Variants in CEACAM8 observed in about 807,000 individuals in gnomAD.
The protein encoded by CEACAM8 is CEA cell adhesion molecule 8.
CEACAM8 carries 31 observed loss-of-function variants against 33.4 expected under a neutral mutation model. The observed-to-expected ratio is 0.93, with a 90% CI of 0.70 to 1.25. The LOEUF is 1.25. Among genes scored for constraint, CEACAM8 ranks in the 50% most tolerant of loss-of-function variants. The probability of loss-of-function intolerance (pLI) is 0.00; values close to 1 mark genes in which losing one functional copy is unlikely to be tolerated. For missense variants in CEACAM8, 388 were observed against 434.6 expected, an observed-to-expected ratio of 0.89 and a Z score of 0.95; for synonymous variants, 138 against 164.5, an observed-to-expected ratio of 0.84 and a Z score of 1.23.
At chr19:42,591,322 A>T (rs1327211744) in intron 2 of CEACAM8, among the ~76,000 whole-genome samples, 1 of 152,212 alleles carries the variant, frequency 6.6e-6, no homozygotes, top group Non-Finnish European at 1.5e-5. Context: ...CATTATGCTC[A>T]AAGGAAGATC....
chr19:42,593,760 T>G lies in CEACAM8; in HGVS notation c.205A>C (p.Lys69Gln), dbSNP rs576468949. 1 of 1,614,088 alleles carries G rather than the reference T, an allele frequency of 6.2e-7. No individual in the cohort carries two copies. Among genetic ancestry groups the G allele is most frequent in the Non-Finnish European group, 8.5e-7 (1 of 1,180,004 alleles). Residue 69 changes from lysine (K) to glutamine (Q), a missense_variant, in exon 2 of 6, where the codon AAA becomes CAA. By Grantham distance (53) the Lys-to-Gln change is moderately conservative. Coordinates refer to ENST00000244336, the MANE Select transcript of CEACAM8 (RefSeq NM_001816.4). Reference protein sequence around the residue: ...PQDPRGYNWYKGETVDANRRI... With the variant: ...PQDPRGYNWYQGETVDANRRI... ...CGGTTGGCATCCACTGTTTCCCCTT[T>G]GTACCAGTTGTAGCCACGAGGGTCC...
At chr19:42,593,233 TAG>T (rs1182254120) in intron 2 of CEACAM8, among the ~76,000 whole-genome samples, 1 of 152,180 alleles carries the variant, frequency 6.6e-6, no homozygotes, top group Non-Finnish European at 1.5e-5. Context: ...CCCAGTTCTT[TAG>T]AGTTTTTCTC....
intron 2 of CEACAM8, 123 bp from the exon 3 acceptor site, chr19:42,589,858 G>A: frequency 6.5e-7 from 1 of 1,544,384 alleles, no homozygotes; most frequent in Non-Finnish European, 8.8e-7. Flanking sequence ...AGCCCACGGT[G>A]GGTGTGTGTG....
Position 42,589,613 on chromosome 19 carries a change from GAC to G in CEACAM8, c.545_546del (p.Gly182AlafsTer27). The G allele has an allele frequency of 6.2e-7, 1 of 1,614,208 alleles. No individual in the cohort carries two copies. Among genetic ancestry groups the G allele is most frequent in the Admixed American group, 1.7e-5 (1 of 60,028 alleles). ...QNTTYLWWVN[G>X]QSLPVSPRLQ... ...AGCCTGGGACTGACCGGGAGACTCT[GAC>G]CATTTACCCACCACAGGTAGGTTGT... On this transcript the variant is annotated frameshift_variant, in exon 3 of 6. Coordinates refer to ENST00000244336, the MANE Select transcript of CEACAM8 (RefSeq NM_001816.4). LOFTEE classifies it high-confidence loss of function.
Position 42,593,596 on chromosome 19 carries a change from T to C in CEACAM8, c.369A>G (p.Gln123=). The change falls in exon 2 of 6, where the codon CAA becomes CAG. Residue 123 remains glutamine, a synonymous_variant. Transcript: ENST00000244336. Reference sequence around the variant, plus strand: ...CACTCATAAGATTTAGCTTTATGACTTGTAGGGTGTAGGATCCTGTGTCAT... The same window carrying C: ...CACTCATAAGATTTAGCTTTATGACCTGTAGGGTGTAGGATCCTGTGTCAT... ...TRNDTGSYTL[Q]VIKLNLMSEE... The C allele has an allele frequency of 6.2e-7, 1 of 1,607,452 alleles. No individual in the cohort carries two copies.
At chr19:42,593,401 G>A in intron 2 of CEACAM8, 140 bp downstream of exon 2, 1 of 1,069,722 alleles carries the variant, frequency 9.3e-7, no homozygotes, top group African/African-American at 1.6e-5. Context: ...TCTCCCCTGA[G>A]TGTGTCCTGC....
intron 2 of CEACAM8, among the ~76,000 whole-genome samples, chr19:42,590,244 C>T (rs912978547): frequency 1.3e-4 from 20 of 152,148 alleles, no homozygotes; most frequent in African/African-American, 4.8e-4. Context: ...CAGGGGAGGC[C>T]GGGGCAAGCC....
At chr19:42,587,820 C>T (rs2042361940) in intron 4 of CEACAM8, among the ~76,000 whole-genome samples, 1 of 152,180 alleles carries the variant, frequency 6.6e-6, no homozygotes. Context: ...GCCTGATCAA[C>T]ATGGAGAAAC....
intron 4 of CEACAM8, among the ~76,000 whole-genome samples, chr19:42,586,210 A>G (rs2042334454): frequency 6.6e-6 from 1 of 152,202 alleles, no homozygotes; most frequent in African/African-American, 2.4e-5. Context: ...CAGAATTCCA[A>G]TGACATTTTT....
chr19:42,591,956 C>G (rs570431970), intron 2 of CEACAM8, among the ~76,000 whole-genome samples: 1 of 152,262 alleles, frequency 6.6e-6, no homozygotes, highest in African/African-American at 2.4e-5. Flanking sequence ...CATCAGGAAA[C>G]AGGATTTCAG....
At chr19:42,591,226 C>A (rs2042432987) in intron 2 of CEACAM8, among the ~76,000 whole-genome samples, 1 of 152,100 alleles carries the variant, frequency 6.6e-6, no homozygotes, top group Non-Finnish European at 1.5e-5. Flanking sequence ...ATTAATTGTC[C>A]ACAGATCTAA....
At chr19:42,589,177 C>G in intron 3 of CEACAM8, 139 bp from the exon 4 acceptor site, 4 of 1,091,286 alleles carry the variant, frequency 3.7e-6, no homozygotes, top group Non-Finnish European at 5.3e-6. Flanking sequence ...CAAACCCCCG[C>G]TGTTTCTACT....
Position 42,583,294 on chromosome 19 carries a change from G to A in CEACAM8, c.1002C>T (p.Ala334=). The A allele has an allele frequency of 1.2e-6, 2 of 1,613,514 alleles. No individual in the cohort carries two copies. The highest frequency in any genetic ancestry group is 1.7e-6 in the Non-Finnish European group (2 of 1,179,514). Residue 334 remains alanine (A), a synonymous_variant, in exon 5 of 6, where the codon GCC becomes GCT. Transcript: ENST00000244336. ...QGSSPGLSAR[A]TVSIMIGVLA... ...GTACTCCAATCATGATGCTGACAGT[G>A]GCTCTAGCTGAGAGGCCAGGAGAAC...
At chr19:42,590,047 G>A (rs2042408704) in intron 2 of CEACAM8, among the ~76,000 whole-genome samples, 1 of 152,200 alleles carries the variant, frequency 6.6e-6, no homozygotes, top group Non-Finnish European at 1.5e-5. Context: ...CCGGCTGCCT[G>A]CCTGGCCTAC....
chr19:42,588,232 C>A (rs770844388), intron 4 of CEACAM8, among the ~76,000 whole-genome samples: 4 of 152,160 alleles, frequency 2.6e-5, no homozygotes, highest in African/African-American at 7.2e-5. Context: ...ACCTGAGCAC[C>A]TTTTCCATAC....
rs8103051 is a variant in CEACAM8 at position 42,583,276 on chromosome 19, A to C, written c.1020T>G (p.Ile340Met). The part of the protein sequence containing the change: ...LSARATVSIM[I>M]GVLARVALI Reference sequence around the variant, plus strand: ...TCAGAGCCACCCTGGCCAGTACTCCAATCATGATGCTGACAGTGGCTCTAG... The same window carrying C: ...TCAGAGCCACCCTGGCCAGTACTCCCATCATGATGCTGACAGTGGCTCTAG... The change falls in exon 5 of 6, where the codon ATT becomes ATG. Residue 340 changes from isoleucine to methionine, a missense_variant. By Grantham distance (10) the Ile-to-Met change is conservative (BLOSUM62 1). Coordinates refer to ENST00000244336, the MANE Select transcript of CEACAM8 (RefSeq NM_001816.4). 0.012 allele frequency: 18,734 copies of C among 1,612,998 alleles called. 1,657 individuals are homozygous for C. The African/African-American group carries it at 0.2, about 18-fold the overall frequency.
At chr19:42,592,149 G>A (rs537960317) in intron 2 of CEACAM8, among the ~76,000 whole-genome samples, 122 of 152,270 alleles carry the variant, frequency 8.0e-4, no homozygotes, top group Non-Finnish European at 1.6e-3. Flanking sequence ...CATGGGGTCC[G>A]TGGAACGCAA....
In CEACAM8 at chr19:42,583,234, A is replaced by G. The variant is rs1305430086; in HGVS notation, c.*12T>C. The stretch of plus-strand genomic sequence containing the variant: ...CCAGTCTTCTTGAAATGCAGAAACT[A>G]CACCAGAGCTACTATATCAGAGCCA... On this transcript the variant is annotated 3_prime_UTR_variant, in exon 5 of 6. Transcript: ENST00000244336. 2 of 1,558,682 alleles carry G rather than the reference A, an allele frequency of 1.3e-6. No homozygotes were observed. The highest frequency in any genetic ancestry group is 1.8e-6 in the Non-Finnish European group (2 of 1,133,482).
Position 42,593,798 on chromosome 19 carries a change from T to C in CEACAM8, c.167A>G (p.His56Arg). The change falls in exon 2 of 6, where the codon CAC (histidine) becomes CGC (arginine). Residue 56 changes from histidine (H) to arginine (R), a missense_variant. By Grantham distance (29) the His-to-Arg change is conservative. Transcript: ENST00000244336. ...AEGKEVLLLVHNLPQDPRGYN... is the reference protein window; with the variant it reads ...AEGKEVLLLVRNLPQDPRGYN... The stretch of plus-strand genomic sequence containing the variant: ...GCCACGAGGGTCCTGGGGCAGATTG[T>C]GGACAAGTAGAAGAACCTCCTTCCC... The C allele has an allele frequency of 6.2e-7, 1 of 1,614,038 alleles. No homozygotes were observed. The highest frequency in any genetic ancestry group is 8.5e-7 in the Non-Finnish European group (1 of 1,179,990).
Sources: allele counts gnomAD v4.1 joint callset (sites outside exome capture counted in the v4.1 genomes callset), GRCh38; gene constraint gnomAD v4.1.1; transcripts MANE v1.5; gene names NCBI Gene and HGNC (gene_info 2026-07-23, HGNC 2026-07-21).